Variants in AGAP1 observed in about 807,000 individuals in gnomAD.
AGAP1 encodes the protein arf-GAP with GTPase, ANK repeat and PH domain-containing protein 1.
In AGAP1, 29 loss-of-function variants were observed where a neutral mutation model predicts 105.3. The observed-to-expected ratio is 0.28, with a 90% CI of 0.21 to 0.38. AGAP1 has a LOEUF of 0.38. Ranked by LOEUF, AGAP1 falls within the 10% of genes least tolerant of loss-of-function variation. AGAP1 has a pLI of 1.00. For synonymous variants in AGAP1, 509 were observed against 485.9 expected (o/e 1.05, Z -0.63); for missense variants, 998 against 1,165.1 (o/e 0.86, Z 2.09).
At chr2:235,539,718 A>C (rs975518126) in intron 1 of AGAP1, among the ~76,000 whole-genome samples, 1 of 152,070 alleles carries the variant, frequency 6.6e-6, no homozygotes, top group African/African-American at 2.4e-5. Flanking sequence ...TTCTGAGAAG[A>C]GAGGCTTCGA....
rs760063014 is a variant in AGAP1 at position 235,550,144 on chromosome 2, C to T, written c.163+55295C>T. Among the ~76,000 whole-genome samples, 2 of 152,226 alleles carry T rather than the reference C, an allele frequency of 1.3e-5. No individual in the cohort carries two copies. The highest frequency in any genetic ancestry group is 2.9e-5 in the Non-Finnish European group (2 of 68,040). ...ACCCTGAGTGGGGCAGAACCATCAT[C>T]CTGCGTGCAGCCTGCACACTCCCAG... On this transcript the variant is annotated intron_variant, in intron 1 of 17. Transcript: ENST00000304032. The surrounding 1 kb of genome is among the most constrained non-coding windows in gnomAD (Gnocchi z 4.6).
At position 235,692,764 on chromosome 2, in the gene AGAP1, G is replaced by A. The variant is rs373723543; in HGVS notation, c.164-16415G>A. On this transcript the variant is annotated intron_variant, in intron 1 of 17. Coordinates refer to ENST00000304032, the MANE Select transcript of AGAP1 (RefSeq NM_001037131.3). The surrounding 1 kb of genome is among the most constrained non-coding windows in gnomAD (Gnocchi z 5.8). The stretch of plus-strand genomic sequence containing the variant: ...TCCTGCATGGCATTTGTTACAGCCC[G>A]CAGTCACAGGTCTTGCGGTGGACTT... 2.6e-5 allele frequency among the ~76,000 whole-genome samples: 4 copies of A among 152,310 alleles called. No homozygotes were observed. The highest frequency in any genetic ancestry group is 4.8e-5 in the African/African-American group (2 of 41,576).
At chr2:235,910,942 A>G (rs1312430038) in intron 11 of AGAP1, among the ~76,000 whole-genome samples, 1 of 152,016 alleles carries the variant, frequency 6.6e-6, no homozygotes. Flanking sequence ...TCAAGCACCT[A>G]TTTTGTGCCA....
chr2:236,122,418 C>A (rs2059921693), intron 17 of AGAP1, among the ~76,000 whole-genome samples: 2 of 152,154 alleles, frequency 1.3e-5, no homozygotes, highest in African/African-American at 4.8e-5. Context: ...AAATTACAGG[C>A]CATCTTTGCT....
rs1951120387 is a variant in AGAP1 at position 235,716,636 on chromosome 2, T to A, written c.223-921T>A. ...TTAAATTTGATCACTAGCGATGTTC[T>A]AGTGGGGGAGGAAAAGGTTAAAATG... On this transcript the variant is annotated intron_variant, in intron 2 of 17. Coordinates refer to ENST00000304032, the MANE Select transcript of AGAP1 (RefSeq NM_001037131.3). This position sits in a 1 kb window ranked among gnomAD's most constrained non-coding sequence, Gnocchi z 4.0. 6.6e-6 allele frequency among the ~76,000 whole-genome samples: 1 copy of A among 152,120 alleles called. No homozygotes were observed. Among genetic ancestry groups the A allele is most frequent in the Admixed American group, 6.5e-5 (1 of 15,274 alleles).
intron 1 of AGAP1, among the ~76,000 whole-genome samples, chr2:235,561,674 G>C (rs558141558): frequency 2.3e-4 from 35 of 152,310 alleles, no homozygotes; most frequent in Non-Finnish European, 5.0e-4. Context: ...AGCTAATTCA[G>C]TATTTGGAAA....
intron 1 of AGAP1, among the ~76,000 whole-genome samples, chr2:235,674,100 C>T (rs149348755): frequency 6.6e-6 from 1 of 152,332 alleles, no homozygotes; most frequent in African/African-American, 2.4e-5. Context: ...TAGGATGATT[C>T]TCTTGTACTG....
chr2:235,928,682 C>T (rs1456992999), intron 11 of AGAP1, among the ~76,000 whole-genome samples: 1 of 152,186 alleles, frequency 6.6e-6, no homozygotes, highest in Non-Finnish European at 1.5e-5. Flanking sequence ...GGGAGTATCT[C>T]CTCTGCTCCT....
chr2:235,693,867 C>T (rs1949864269), intron 1 of AGAP1, among the ~76,000 whole-genome samples: 1 of 152,146 alleles, frequency 6.6e-6, no homozygotes, highest in South Asian at 2.1e-4. Flanking sequence ...GATCCTCAGC[C>T]CTTACTTGGG....
At chr2:235,678,660 G>C (rs533354908) in intron 1 of AGAP1, among the ~76,000 whole-genome samples, 1 of 152,200 alleles carries the variant, frequency 6.6e-6, no homozygotes, top group South Asian at 2.1e-4. Flanking sequence ...TCTCTCAGGG[G>C]GTAGTTTTCT....
intron 6 of AGAP1, chr2:235,774,381 T>C (rs1398103930): frequency 2.1e-6 from 1 of 470,822 alleles, no homozygotes; most frequent in East Asian, 7.0e-5. Context: ...TTCCAGTTTT[T>C]AAAAAGGGCT....
intron 1 of AGAP1, among the ~76,000 whole-genome samples, chr2:235,498,639 C>T (rs2148996172): frequency 6.6e-6 from 1 of 152,330 alleles, no homozygotes; most frequent in African/African-American, 2.4e-5. Flanking sequence ...CCTCTCTTAG[C>T]AGTCACACAT....
chr2:235,957,956 C>G lies in AGAP1; in HGVS notation c.1484-10506C>G, dbSNP rs940695697. Among the ~76,000 whole-genome samples the G allele has an allele frequency of 7.9e-5, 12 of 152,286 alleles. No individual in the cohort carries two copies. The highest frequency in any genetic ancestry group is 2.6e-4 in the African/African-American group (11 of 41,558). ...AGGATTTTTAGTCATGTACCTGACA[C>G]TGCCAAATAGGTAAATTAAGGTGTG... On this transcript the variant is annotated intron_variant, in intron 12 of 17. Coordinates refer to ENST00000304032, the MANE Select transcript of AGAP1 (RefSeq NM_001037131.3). The surrounding 1 kb of genome is among the most constrained non-coding windows in gnomAD (Gnocchi z 4.6).
At chr2:235,618,063 AG>A (rs1946364491) in intron 1 of AGAP1, among the ~76,000 whole-genome samples, 2 of 152,058 alleles carry the variant, frequency 1.3e-5, no homozygotes, top group Non-Finnish European at 2.9e-5. Flanking sequence ...CAGACTTGGA[AG>A]ATCTGCGTCT....
At position 235,711,477 on chromosome 2, in the gene AGAP1, G is replaced by A. The variant is rs147397899; in HGVS notation, c.222+2240G>A. On this transcript the variant is annotated intron_variant, in intron 2 of 17. Coordinates refer to ENST00000304032, the MANE Select transcript of AGAP1 (RefSeq NM_001037131.3). Reference sequence around the variant, plus strand: ...GCCCAGAGCTGTAGGAGACAGTTGCGTTTGAGGCAGCATGGGCTCCTCATT... The same window carrying A: ...GCCCAGAGCTGTAGGAGACAGTTGCATTTGAGGCAGCATGGGCTCCTCATT... 6.6e-5 allele frequency among the ~76,000 whole-genome samples: 10 copies of A among 152,336 alleles called. No individual in the cohort carries two copies. The South Asian group carries it at 1.2e-3, about 19-fold the overall frequency.
chr2:235,855,492 C>T lies in AGAP1; in HGVS notation c.1051-27853C>T, dbSNP rs1378745918. 1.3e-5 allele frequency among the ~76,000 whole-genome samples: 2 copies of T among 152,136 alleles called. No individual in the cohort carries two copies. Among genetic ancestry groups the T allele is most frequent in the Admixed American group, 6.5e-5 (1 of 15,286 alleles). ...TCAAACCAAATTCTAAACTGTGTTA[C>T]GTTCAGTATGTTTTTGAAGTCATAA... On this transcript the variant is annotated intron_variant, in intron 9 of 17. Transcript: ENST00000304032. The surrounding 1 kb of genome is among the most constrained non-coding windows in gnomAD (Gnocchi z 5.0).
At position 235,963,453 on chromosome 2, in the gene AGAP1, A is replaced by G. The variant is rs1285364041; in HGVS notation, c.1484-5009A>G. Among the ~76,000 whole-genome samples the G allele has an allele frequency of 6.6e-6, 1 of 152,216 alleles. No homozygotes were observed. Among genetic ancestry groups the G allele is most frequent in the African/African-American group, 2.4e-5 (1 of 41,460 alleles). On this transcript the variant is annotated intron_variant, in intron 12 of 17. Transcript: ENST00000304032. This position sits in a 1 kb window ranked among gnomAD's most constrained non-coding sequence, Gnocchi z 5.1. ...TATTTGAACAGAGGTAGTTTATTAA[A>G]GAGAATGAATAGACATCAAATAGAT...
intron 12 of AGAP1, among the ~76,000 whole-genome samples, chr2:235,950,887 CTTTTTTTTTTTTTTTTTTTT>C (rs200110792): frequency 8.5e-6 from 1 of 118,250 alleles, no homozygotes; most frequent in Non-Finnish European, 1.8e-5. Flanking sequence ...TCTCCAAGCA[CTTTTTTTTTTTTTTTTTTTT>C]TTTTTTTTTT....
chr2:235,802,783 TGTGATG>T (rs1205790889), intron 8 of AGAP1, among the ~76,000 whole-genome samples: 1 of 109,806 alleles, frequency 9.1e-6, no homozygotes, highest in African/African-American at 3.7e-5. Context: ...TGGTTGTGGT[TGTGATG>T]GTGATGATGG....
Sources: gnomAD v4.1 joint callset for allele counts (sites outside exome capture counted in the v4.1 genomes callset) on GRCh38, gnomAD v4.1.1 for gene constraint, Gnocchi (gnomAD v3.1) non-coding constraint, MANE v1.5 for transcripts, NCBI Gene and HGNC (gene_info 2026-07-23, HGNC 2026-07-21) for gene names.